Variants in SYNJ2 observed in about 807,000 individuals in gnomAD.
SYNJ2 encodes polyphosphatidylinositol phosphatase SYNJ2.
A neutral mutation model predicts 141.3 loss-of-function variants in SYNJ2; 116 were observed. That is an observed-to-expected ratio of 0.82 (90% CI 0.71 to 0.96). SYNJ2 has a LOEUF of 0.96. Ranked by LOEUF, SYNJ2 falls within the 40% of genes least tolerant of loss-of-function variation. SYNJ2 has a pLI of 0.00. For synonymous variants in SYNJ2, 745 were observed against 777.7 expected (o/e 0.96, Z 0.70); for missense variants, 1,873 against 1,934.8 (o/e 0.97, Z 0.60).
chr6:158,052,933 C>T (rs1163102427), intron 5 of SYNJ2, among the ~76,000 whole-genome samples: 1 of 152,210 alleles, frequency 6.6e-6, no homozygotes, highest in Non-Finnish European at 1.5e-5. Context: ...CTTTGAAGCA[C>T]CTTTTCCCGC....
At chr6:158,081,899 C>T (rs1167108467) in intron 20 of SYNJ2, among the ~76,000 whole-genome samples, 4 of 152,068 alleles carry the variant, frequency 2.6e-5, no homozygotes, top group Non-Finnish European at 4.4e-5. Context: ...AGTCATCCTC[C>T]CGCCTCGATC....
intron 4 of SYNJ2, among the ~76,000 whole-genome samples, chr6:158,041,886 A>T (rs533500586): frequency 6.6e-6 from 1 of 152,286 alleles, no homozygotes; most frequent in Admixed American, 6.5e-5. Context: ...CTTTTTAAAA[A>T]TTGTTTTGGT....
Position 158,064,765 on chromosome 6 carries a change from AG to A in SYNJ2, c.1359+20del. The A allele has an allele frequency of 6.2e-7, 1 of 1,612,936 alleles. No homozygotes were observed. Among genetic ancestry groups the A allele is most frequent in the Non-Finnish European group, 8.5e-7 (1 of 1,179,572 alleles). ...GGAAGGCCAAGGTAGGGCCCCGCCGAGGGGGCAGGGTGGGGGCCCCAGGGAC... is the reference window on the plus strand; with the variant it reads ...GGAAGGCCAAGGTAGGGCCCCGCCGAGGGGCAGGGTGGGGGCCCCAGGGAC... On this transcript the variant is annotated intron_variant, in intron 10 of 26. Transcript: ENST00000355585.
chr6:158,071,479 C>T lies in SYNJ2; in HGVS notation c.1941-123C>T, dbSNP rs931903924. 3.5e-6 allele frequency: 4 copies of T among 1,141,480 alleles called. No individual in the cohort carries two copies. Among genetic ancestry groups the T allele is most frequent in the Middle Eastern group, 5.3e-4 (2 of 3,780 alleles). The allele number at this position is 1,141,480 out of a possible 1,614,324, so 70.7% of individuals were successfully genotyped here. ...CGGCCACGGTGGCCACTGTGTTGAG[C>T]TGATGATTTTGGAGCACTCAGAGCA... On this transcript the variant is annotated intron_variant, in intron 14 of 26. Coordinates refer to ENST00000355585, the MANE Select transcript of SYNJ2 (RefSeq NM_003898.4). This position sits in a 1 kb window ranked among gnomAD's most constrained non-coding sequence, Gnocchi z 4.3.
chr6:158,018,965 G>A (rs1778618535), intron 2 of SYNJ2, among the ~76,000 whole-genome samples: 1 of 152,258 alleles, frequency 6.6e-6, no homozygotes, highest in Non-Finnish European at 1.5e-5. Flanking sequence ...TGACCGTGAG[G>A]ATGGTGGCCT....
In SYNJ2 at chr6:157,987,467, T is replaced by G. The variant is rs1365160689; in HGVS notation, c.127+5379T>G. ...CCAGGCTGGAGTGCAGTGGCACCGA[T>G]CTCGGCTCACTGTAACCTCCGCCTC... On this transcript the variant is annotated intron_variant, in intron 1 of 26. Transcript: ENST00000355585. Among the ~76,000 whole-genome samples the G allele has an allele frequency of 2.6e-5, 4 of 152,206 alleles. No homozygotes were observed. The South Asian group carries it at 8.3e-4, about 32-fold the overall frequency.
intron 1 of SYNJ2, among the ~76,000 whole-genome samples, chr6:157,987,260 T>G (rs368212937): frequency 6.6e-6 from 1 of 152,276 alleles, no homozygotes; most frequent in African/African-American, 2.4e-5. Flanking sequence ...GTGCTGGGAT[T>G]ATAGGCGTGA....
intron 1 of SYNJ2, chr6:158,001,082 T>C: frequency 6.6e-6 from 1 of 151,078 alleles, no homozygotes. Flanking sequence ...CCGTTCCCTC[T>C]CCTGCACACC....
intron 8 of SYNJ2, among the ~76,000 whole-genome samples, chr6:158,062,616 G>T (rs1781293440): frequency 6.6e-6 from 1 of 152,118 alleles, no homozygotes; most frequent in Admixed American, 6.5e-5. Flanking sequence ...CCTGTTCAGA[G>T]CAGAGGAGAA....
chr6:158,045,397 A>T (rs911362676), intron 5 of SYNJ2, among the ~76,000 whole-genome samples: 1 of 152,056 alleles, frequency 6.6e-6, no homozygotes, highest in African/African-American at 2.4e-5. Context: ...GGCGTGAGCC[A>T]CCGCACCTAG....
At chr6:158,052,645 C>A (rs1259877735) in intron 5 of SYNJ2, among the ~76,000 whole-genome samples, 1 of 152,148 alleles carries the variant, frequency 6.6e-6, no homozygotes, top group East Asian at 1.9e-4. Context: ...AGAACTCATT[C>A]ATTACCATGG....
At chr6:158,077,233 A>C (rs1198553435) in intron 17 of SYNJ2, among the ~76,000 whole-genome samples, 1 of 152,126 alleles carries the variant, frequency 6.6e-6, no homozygotes, top group Non-Finnish European at 1.5e-5. Context: ...ACCTCAGGTG[A>C]TCTGCCCACC....
intron 5 of SYNJ2, among the ~76,000 whole-genome samples, chr6:158,045,099 C>CTTTTTTT (rs761042284): frequency 8.9e-6 from 1 of 112,284 alleles, no homozygotes; most frequent in African/African-American, 3.6e-5. Flanking sequence ...AGGGGTCCTC[C>CTTTTTTT]TTTTTTTTTT....
chr6:158,054,886 A>G, intron 5 of SYNJ2, 81 bp from the exon 6 acceptor site: 11 of 1,471,436 alleles, frequency 7.5e-6, no homozygotes, highest in Non-Finnish European at 1.0e-5. Flanking sequence ...GGCTGGGAGT[A>G]AGAAGGAGAA....
At chr6:157,986,634 C>A (rs1777216615) in intron 1 of SYNJ2, among the ~76,000 whole-genome samples, 1 of 152,216 alleles carries the variant, frequency 6.6e-6, no homozygotes, top group South Asian at 2.1e-4. Flanking sequence ...CACGCCCGGC[C>A]TTCCCCGTGA....
intron 5 of SYNJ2, among the ~76,000 whole-genome samples, chr6:158,051,572 A>G (rs184553380): frequency 6.6e-4 from 100 of 152,000 alleles, no homozygotes; most frequent in South Asian, 2.3e-3. Context: ...CAGCCAAGAT[A>G]CCTCATTTTG....
intron 17 of SYNJ2, 188 bp from the exon 18 acceptor site, chr6:158,077,976 G>A (rs530006932): frequency 4.2e-5 from 22 of 526,674 alleles, no homozygotes; most frequent in African/African-American, 3.6e-4. Flanking sequence ...AATTATATGC[G>A]AGGAATGTTT....
chr6:158,030,652 G>A (rs1042638570), intron 3 of SYNJ2: 3 of 152,354 alleles, frequency 2.0e-5, no homozygotes, highest in African/African-American at 7.2e-5. Context: ...AGCACTTTGG[G>A]AGGCCAAGGC....
rs1429864754 is a variant in SYNJ2 at position 158,005,331 on chromosome 6, C to T, written c.128-11873C>T. Among the ~76,000 whole-genome samples the T allele has an allele frequency of 2.0e-5, 3 of 152,182 alleles. No individual in the cohort carries two copies. In the East Asian group the frequency reaches 5.8e-4, roughly 29 times the overall value. On this transcript the variant is annotated intron_variant, in intron 1 of 26. Transcript: ENST00000355585. ...TGACCTCGTGATCCACCCACCTTGG[C>T]CTTCCAAAGTGCTGGGATTAGAGGC...
Sources: gnomAD v4.1 joint callset for allele counts (sites outside exome capture counted in the v4.1 genomes callset) on GRCh38, gnomAD v4.1.1 for gene constraint, Gnocchi (gnomAD v3.1) non-coding constraint, MANE v1.5 for transcripts, NCBI Gene and HGNC (gene_info 2026-07-23, HGNC 2026-07-21) for gene names.